Variants in HCN1 observed in about 807,000 individuals in gnomAD.
HCN1 encodes the protein potassium/sodium hyperpolarization-activated cyclic nucleotide-gated channel 1.
In HCN1, 13 loss-of-function variants were observed where a neutral mutation model predicts 78.9. That is an observed-to-expected ratio of 0.16 (90% CI 0.11 to 0.26). HCN1 has a LOEUF of 0.26. Ranked by LOEUF, HCN1 falls within the 10% of genes least tolerant of loss-of-function variation. The probability of loss-of-function intolerance (pLI) is 1.00; values close to 1 mark genes in which losing one functional copy is unlikely to be tolerated. For synonymous variants in HCN1, 552 were observed against 455.5 expected, an observed-to-expected ratio of 1.21 and a Z score of -2.70; for missense variants, 810 against 1,154.3, an observed-to-expected ratio of 0.70 and a Z score of 4.32.
At chr5:45,521,401 G>A (rs1273384866) in intron 2 of HCN1, among the ~76,000 whole-genome samples, 1 of 151,970 alleles carries the variant, frequency 6.6e-6, no homozygotes, top group African/African-American at 2.4e-5. Context: ...CTAGTAGTCT[G>A]AAATCAAGGT....
chr5:45,522,309 G>A (rs1431710195), intron 2 of HCN1, among the ~76,000 whole-genome samples: 1 of 151,924 alleles, frequency 6.6e-6, no homozygotes, highest in East Asian at 1.9e-4. Flanking sequence ...ATTTTCATAG[G>A]TTATAGAAAT....
intron 3 of HCN1, among the ~76,000 whole-genome samples, chr5:45,444,284 T>C (rs1005941145): frequency 2.6e-5 from 4 of 152,176 alleles, no homozygotes; most frequent in Non-Finnish European, 5.9e-5. Flanking sequence ...TATAAATGAA[T>C]TTAAATTAGT....
chr5:45,283,310 A>G (rs1184134998), intron 6 of HCN1, among the ~76,000 whole-genome samples: 1 of 152,172 alleles, frequency 6.6e-6, no homozygotes, highest in Non-Finnish European at 1.5e-5. Context: ...AATTAAACTT[A>G]GGAGTTTCTG....
At chr5:45,277,095 G>A (rs984304624) in intron 6 of HCN1, among the ~76,000 whole-genome samples, 8 of 152,008 alleles carry the variant, frequency 5.3e-5, no homozygotes, top group East Asian at 1.9e-4. Context: ...GAAAAACTTC[G>A]TGTGCAAAAT....
At chr5:45,289,064 G>C (rs1256167622) in intron 6 of HCN1, among the ~76,000 whole-genome samples, 1 of 152,072 alleles carries the variant, frequency 6.6e-6, no homozygotes, top group Non-Finnish European at 1.5e-5. Context: ...TGTGTTTTTG[G>C]GGGGCATTAT....
At chr5:45,561,874 A>G (rs957743101) in intron 2 of HCN1, among the ~76,000 whole-genome samples, 19 of 152,172 alleles carry the variant, frequency 1.2e-4, no homozygotes, top group Admixed American at 6.6e-4. Flanking sequence ...GAACACATCA[A>G]TGTGCTGTGA....
At chr5:45,458,567 T>G (rs1165024401) in intron 3 of HCN1, among the ~76,000 whole-genome samples, 1 of 152,168 alleles carries the variant, frequency 6.6e-6, no homozygotes, top group African/African-American at 2.4e-5. Context: ...GATTTTCTAC[T>G]GCAGTTGGAG....
chr5:45,651,737 AT>A (rs1400241416), intron 1 of HCN1, among the ~76,000 whole-genome samples: 6 of 151,910 alleles, frequency 3.9e-5, no homozygotes, highest in African/African-American at 1.2e-4. Context: ...AAATATGTGT[AT>A]TTAGAAACTT....
intron 2 of HCN1, among the ~76,000 whole-genome samples, chr5:45,622,945 C>T (rs1202104659): frequency 6.6e-6 from 1 of 152,128 alleles, no homozygotes. Flanking sequence ...CACTCCACTC[C>T]TTCCTGCAGC....
At position 45,534,730 on chromosome 5, in the gene HCN1, A is replaced by T. The variant is rs1187787811; in HGVS notation, c.850-72723T>A. Among the ~76,000 whole-genome samples, 9 of 152,220 alleles carry T rather than the reference A, an allele frequency of 5.9e-5. No homozygotes were observed. The Middle Eastern group carries it at 0.01, about 173-fold the overall frequency. On this transcript the variant is annotated intron_variant, in intron 2 of 7. Transcript: ENST00000303230. Reference sequence around the variant, plus strand: ...TTTGTTAAGCGAAACTGGTTGGCATAAGTGATTTTGATAATAGAAGAGCTA... The same window carrying T: ...TTTGTTAAGCGAAACTGGTTGGCATTAGTGATTTTGATAATAGAAGAGCTA...
chr5:45,644,778 C>A, intron 2 of HCN1: 1 of 185,268 alleles, frequency 5.4e-6, no homozygotes. Context: ...GATACAAAAA[C>A]CACACTATCT....
chr5:45,571,325 T>C (rs140890832), intron 2 of HCN1, among the ~76,000 whole-genome samples: 93 of 152,214 alleles, frequency 6.1e-4, no homozygotes, highest in African/African-American at 2.0e-3. Context: ...GTTTCATGGT[T>C]TTTTCTTGGA....
intron 3 of HCN1, among the ~76,000 whole-genome samples, chr5:45,421,605 T>C (rs1039109109): frequency 6.6e-6 from 1 of 151,826 alleles, no homozygotes; most frequent in Non-Finnish European, 1.5e-5. Flanking sequence ...TTCCAAAAAA[T>C]ATATTGGTTT....
intron 4 of HCN1, among the ~76,000 whole-genome samples, chr5:45,357,612 A>G (rs753545291): frequency 9.2e-5 from 14 of 152,176 alleles, no homozygotes; most frequent in Non-Finnish European, 1.8e-4. Context: ...TATTCTCCAA[A>G]ATATGTGACA....
intron 4 of HCN1, 24 bp from the exon 5 acceptor site, chr5:45,353,270 T>TA (rs566930240): frequency 9.8e-4 from 1,502 of 1,535,416 alleles, no homozygotes; most frequent in African/African-American, 5.4e-3. Flanking sequence ...AAAATAAAAT[T>TA]AAAAAAAAAC....
intron 2 of HCN1, among the ~76,000 whole-genome samples, chr5:45,540,430 G>T (rs1579957745): frequency 2.6e-5 from 4 of 151,926 alleles, no homozygotes; most frequent in Admixed American, 2.6e-4. Flanking sequence ...CCAGGCTCAG[G>T]TGATTCTCCC....
chr5:45,498,849 G>A lies in HCN1; in HGVS notation c.850-36842C>T, dbSNP rs185209554. Among the ~76,000 whole-genome samples the A allele has an allele frequency of 5.9e-5, 9 of 152,236 alleles. No homozygotes were observed. In the East Asian group the frequency reaches 1.4e-3, roughly 23 times the overall value. ...CTGTTGGAGTACCCGGCCGTGTGAG[G>A]TGTCAGTCTGCCCCTGCCGTGTGGT... On this transcript the variant is annotated intron_variant, in intron 2 of 7. Coordinates refer to ENST00000303230, the MANE Select transcript of HCN1 (RefSeq NM_021072.4).
intron 1 of HCN1, among the ~76,000 whole-genome samples, chr5:45,672,806 GTTTT>G (rs898509616): frequency 1.3e-5 from 2 of 150,970 alleles, no homozygotes; most frequent in Non-Finnish European, 3.0e-5. Flanking sequence ...CTAAAAGGTT[GTTTT>G]ATCTTTTTTT....
rs1744735912 is a variant in HCN1 at position 45,261,603 on chromosome 5, C to T, written c.*318G>A. On this transcript the variant is annotated 3_prime_UTR_variant, in exon 8 of 8. Transcript: ENST00000303230. ...ACTCTTCATAAAATAGAGAAATATA[C>T]ATATCAAAGGACTTAAGTAAAAGTA... The T allele has an allele frequency of 5.1e-6, 1 of 195,892 alleles. No individual in the cohort carries two copies. Among genetic ancestry groups the T allele is most frequent in the African/African-American group, 2.4e-5 (1 of 42,384 alleles). 12.1% of individuals were successfully genotyped at this position (195,892 alleles called of 1,614,324 possible). A position where few individuals can be genotyped will look rare whatever the true frequency, so the allele number is the denominator to read the frequency against.
Sources: allele counts gnomAD v4.1 joint callset (sites outside exome capture counted in the v4.1 genomes callset), GRCh38; gene constraint gnomAD v4.1.1; transcripts MANE v1.5; gene names NCBI Gene and HGNC (gene_info 2026-07-23, HGNC 2026-07-21).